Variants in ZWILCH observed in about 807,000 individuals in gnomAD.
The protein encoded by ZWILCH is protein zwilch homolog.
Under a neutral mutation model 79.9 loss-of-function variants are expected in ZWILCH, and 74 were observed. That is an observed-to-expected ratio of 0.93 (90% confidence interval 0.77 to 1.12). The LOEUF is 1.12. ZWILCH is among the 50% of genes most tolerant of loss of function. The pLI is 0.00. For synonymous variants in ZWILCH, 241 were observed against 228.2 expected (o/e 1.06, Z -0.51); for missense variants, 694 against 687.5 (o/e 1.01, Z -0.11).
intron 4 of ZWILCH, among the ~76,000 whole-genome samples, chr15:66,517,835 C>T (rs545387276): frequency 9.9e-4 from 138 of 139,372 alleles, no homozygotes; most frequent in African/African-American, 3.3e-3. Flanking sequence ...TGGGTTCAAG[C>T]GATTCTCCTG....
At chr15:66,541,294 C>CCA (rs553071106) in intron 17 of ZWILCH, among the ~76,000 whole-genome samples, 2 of 151,194 alleles carry the variant, frequency 1.3e-5, no homozygotes, top group African/African-American at 2.4e-5. Flanking sequence ...CAGAAACACA[C>CCA]CACACACACA....
chr15:66,535,136 C>T (rs554126847), intron 14 of ZWILCH, among the ~76,000 whole-genome samples: 1 of 152,078 alleles, frequency 6.6e-6, no homozygotes, highest in East Asian at 1.9e-4. Context: ...CACTGTCTTC[C>T]GCCTCCACAT....
At chr15:66,531,470 T>A (rs1894850692) in intron 12 of ZWILCH, among the ~76,000 whole-genome samples, 1 of 152,096 alleles carries the variant, frequency 6.6e-6, no homozygotes, top group African/African-American at 2.4e-5. Flanking sequence ...TATTTTATTT[T>A]ATTTTTTTGA....
At chr15:66,534,226 T>G (rs1292486329) in intron 14 of ZWILCH, among the ~76,000 whole-genome samples, 2 of 152,196 alleles carry the variant, frequency 1.3e-5, no homozygotes, top group Admixed American at 6.5e-5. Context: ...TAACAACTAT[T>G]TATGTAGCAT....
chr15:66,517,112 G>A (rs1171028403), intron 4 of ZWILCH, among the ~76,000 whole-genome samples: 2 of 151,676 alleles, frequency 1.3e-5, no homozygotes, highest in Non-Finnish European at 2.9e-5. Context: ...ATTTTTTGGT[G>A]ACTTTCAATT....
At chr15:66,517,455 T>TATATATATATATATATATATAGAGAGAG (rs1180456312) in intron 4 of ZWILCH, among the ~76,000 whole-genome samples, 30 of 115,172 alleles carry the variant, frequency 2.6e-4, no homozygotes, top group Admixed American at 4.9e-4. Flanking sequence ...TATATATATA[T>TATATATATATATATATATATAGAGAGAG]AGTAATGTAC....
intron 4 of ZWILCH, among the ~76,000 whole-genome samples, chr15:66,516,696 G>A (rs113220175): frequency 8.5e-5 from 13 of 152,098 alleles, no homozygotes; most frequent in African/African-American, 3.1e-4. Flanking sequence ...TAGTAGAAAC[G>A]GGGTTTCACC....
At position 66,527,286 on chromosome 15, in the gene ZWILCH, G is replaced by T; in HGVS notation, c.820-4G>T. On this transcript the variant is annotated splice_region_variant and splice_polypyrimidine_tract_variant and intron_variant, in intron 8 of 18. Transcript: ENST00000307897. ...AGTTTTTGGGGTTTTTAAATCTCCT[G>T]TAGGTTTTGGCTGATGGTTTGAGGA... 6.2e-7 allele frequency: 1 copy of T among 1,613,196 alleles called. No individual in the cohort carries two copies. The highest frequency in any genetic ancestry group is 8.5e-7 in the Non-Finnish European group (1 of 1,179,394).
intron 7 of ZWILCH, among the ~76,000 whole-genome samples, chr15:66,522,081 C>A (rs1340594906): frequency 6.6e-6 from 1 of 151,736 alleles, no homozygotes; most frequent in African/African-American, 2.4e-5. Flanking sequence ...GCCTGTAGTC[C>A]CAACTACTCG....
intron 3 of ZWILCH, 101 bp from the exon 4 acceptor site, chr15:66,515,425 A>G: frequency 1.3e-6 from 1 of 755,212 alleles, no homozygotes; most frequent in Non-Finnish European, 2.2e-6. Flanking sequence ...AAAAATAAGT[A>G]CATTATGTTC....
chr15:66,546,748 A>G (rs1895385032), intron 18 of ZWILCH, 43 bp downstream of exon 18: 5 of 1,088,014 alleles, frequency 4.6e-6, no homozygotes, highest in Non-Finnish European at 6.6e-6. Context: ...AATACTTTGT[A>G]ATAAGTACCT....
chr15:66,531,500 GC>G (rs1207874059), intron 12 of ZWILCH, among the ~76,000 whole-genome samples: 4 of 151,700 alleles, frequency 2.6e-5, no homozygotes, highest in African/African-American at 9.7e-5. Flanking sequence ...TTGCTCTATT[GC>G]CCAGGCTGGA....
At chr15:66,512,228 A>G (rs1232646137) in intron 2 of ZWILCH, among the ~76,000 whole-genome samples, 1 of 152,176 alleles carries the variant, frequency 6.6e-6, no homozygotes, top group Non-Finnish European at 1.5e-5. Context: ...GCAAAATCCT[A>G]TTAGATATCT....
In ZWILCH at chr15:66,527,331, C is replaced by G. The variant is rs763524172; in HGVS notation, c.861C>G (p.Leu287=). Residue 287 remains leucine, a synonymous_variant, in exon 9 of 19, where the codon CTC becomes CTG. Coordinates refer to ENST00000307897, the MANE Select transcript of ZWILCH (RefSeq NM_017975.5). ...DGLRTGVTEW[L]EPLEAKSAVE... Reference sequence around the variant, plus strand: ...TGAGGACTGGTGTCACTGAATGGCTCGAGCCCCTGGAAGCAAAATCTGCTG... The same window carrying G: ...TGAGGACTGGTGTCACTGAATGGCTGGAGCCCCTGGAAGCAAAATCTGCTG... 1 of 1,614,008 alleles carries G rather than the reference C, an allele frequency of 6.2e-7. No individual in the cohort carries two copies. Among genetic ancestry groups the G allele is most frequent in the Non-Finnish European group, 8.5e-7 (1 of 1,179,966 alleles).
intron 1 of ZWILCH, 120 bp downstream of exon 1, chr15:66,505,511 G>A (rs374547281): frequency 1.6e-5 from 20 of 1,272,480 alleles, no homozygotes; most frequent in Admixed American, 6.2e-5. Flanking sequence ...AGCTTTCCTG[G>A]GGTCCAGGAG....
chr15:66,539,954 C>T (rs1320711755), intron 16 of ZWILCH, 144 bp from the exon 17 acceptor site: 1 of 493,728 alleles, frequency 2.0e-6, no homozygotes, highest in Non-Finnish European at 3.7e-6. Flanking sequence ...CTTGACTATA[C>T]ACCTCAAGGG....
intron 5 of ZWILCH, among the ~76,000 whole-genome samples, chr15:66,519,619 A>G (rs1189919860): frequency 6.6e-6 from 1 of 151,342 alleles, no homozygotes; most frequent in Non-Finnish European, 1.5e-5. Flanking sequence ...ACGCCCGGCT[A>G]ATTTTTTTGT....
rs1895009295 is a variant in ZWILCH, at chr15:66,536,094, T to C, written c.1478+25T>C. 7 of 1,562,394 alleles carry C rather than the reference T, an allele frequency of 4.5e-6. No individual in the cohort carries two copies. In the East Asian group the frequency reaches 1.6e-4, roughly 35 times the overall value. ...AGTAAGTACATCTGTATTCTTCACT[T>C]ATATAGAAATGTATTTCTTTTGAAA... On this transcript the variant is annotated intron_variant, in intron 15 of 18. Coordinates refer to ENST00000307897, the MANE Select transcript of ZWILCH (RefSeq NM_017975.5).
At chr15:66,511,414 G>A (rs1037854022) in intron 2 of ZWILCH, among the ~76,000 whole-genome samples, 12 of 151,130 alleles carry the variant, frequency 7.9e-5, no homozygotes, top group African/African-American at 2.9e-4. Flanking sequence ...GATTGCTTGA[G>A]TCTGGGAGGT....
Sources: allele counts gnomAD v4.1 joint callset (sites outside exome capture counted in the v4.1 genomes callset), GRCh38; gene constraint gnomAD v4.1.1; transcripts MANE v1.5; gene names NCBI Gene and HGNC (gene_info 2026-07-23, HGNC 2026-07-21).